The following METTL25 variants were observed in gnomAD, a reference collection of about 807,000 sequenced individuals.
The protein encoded by METTL25 is probable methyltransferase-like protein 25.
METTL25 carries 64 observed loss-of-function variants against 71.6 expected under a neutral mutation model. The observed-to-expected ratio is 0.89, with a 90% CI of 0.73 to 1.10. The LOEUF (loss-of-function observed/expected upper bound fraction) is 1.10, where lower values mean the gene tolerates loss of function less well. METTL25 is among the 50% of genes least tolerant of loss of function. METTL25 has a pLI of 0.00. For synonymous variants in METTL25, 287 were observed against 250.3 expected, an observed-to-expected ratio of 1.15 and a Z score of -1.38; for missense variants, 807 against 707.0, an observed-to-expected ratio of 1.14 and a Z score of -1.60.
chr12:82,386,982 G>T lies in METTL25; in HGVS notation c.424+15G>T. 3 of 1,592,696 alleles carry T rather than the reference G, an allele frequency of 1.9e-6. No homozygotes were observed. Among genetic ancestry groups the T allele is most frequent in the Non-Finnish European group, 2.6e-6 (3 of 1,166,418 alleles). ...CCAGAGAATTGGTATGTCTATTTAT[G>T]TGTGTGTATGTGTGCTTTTTAGGTA... On this transcript the variant is annotated intron_variant, in intron 2 of 11. Transcript: ENST00000248306.
Position 82,358,634 on chromosome 12 carries a change from G to C in METTL25, c.69G>C (p.Leu23=). ...LPTLRAKLQG[L]LQFLRDALSI... ...CGCTGCGTGCCAAGTTGCAGGGACTGCTGCAGTTCCTGAGGGATGCCCTGT... is the reference window on the plus strand; with the variant it reads ...CGCTGCGTGCCAAGTTGCAGGGACTCCTGCAGTTCCTGAGGGATGCCCTGT... The change falls in exon 1 of 12, where the codon CTG becomes CTC. Residue 23 remains leucine (L), a synonymous_variant. Coordinates refer to ENST00000248306, the MANE Select transcript of METTL25 (RefSeq NM_032230.3). 1 of 1,614,096 alleles carries C rather than the reference G, an allele frequency of 6.2e-7. No individual in the cohort carries two copies. Among genetic ancestry groups the C allele is most frequent in the Non-Finnish European group, 8.5e-7 (1 of 1,180,052 alleles).
chr12:82,427,207 A>T (rs1014380738), intron 5 of METTL25, among the ~76,000 whole-genome samples: 4 of 151,866 alleles, frequency 2.6e-5, no homozygotes, highest in Non-Finnish European at 5.9e-5. Context: ...CAAGCAGTGG[A>T]TTTCTCTCCC....
chr12:82,471,481 C>T (rs1402493130), intron 9 of METTL25, among the ~76,000 whole-genome samples: 1 of 152,216 alleles, frequency 6.6e-6, no homozygotes, highest in East Asian at 1.9e-4. Flanking sequence ...TGTTTGAACA[C>T]ATGAGCACAG....
chr12:82,440,641 G>T (rs2137191454), intron 8 of METTL25, among the ~76,000 whole-genome samples: 1 of 151,990 alleles, frequency 6.6e-6, no homozygotes, highest in African/African-American at 2.4e-5. Context: ...ATAGGTAATG[G>T]TTTCCACACA....
At chr12:82,420,806 A>C (rs1336744987) in intron 5 of METTL25, among the ~76,000 whole-genome samples, 2 of 152,080 alleles carry the variant, frequency 1.3e-5, no homozygotes, top group Middle Eastern at 3.2e-3. Context: ...GGATTTGTTA[A>C]GGAGAAGAAG....
chr12:82,449,844 G>C (rs146043811), intron 8 of METTL25, among the ~76,000 whole-genome samples: 1 of 151,770 alleles, frequency 6.6e-6, no homozygotes, highest in Non-Finnish European at 1.5e-5. Context: ...TCCTATGTTG[G>C]TTCTTTCCTT....
At chr12:82,472,885 T>C (rs1892651050) in intron 9 of METTL25, among the ~76,000 whole-genome samples, 1 of 152,202 alleles carries the variant, frequency 6.6e-6, no homozygotes, top group Admixed American at 6.5e-5. Context: ...TCCTTGCTTT[T>C]TCATGTTTGA....
intron 8 of METTL25, among the ~76,000 whole-genome samples, chr12:82,453,375 A>G (rs535474348): frequency 6.6e-6 from 1 of 152,304 alleles, no homozygotes; most frequent in South Asian, 2.1e-4. Context: ...TCTGCAGTTT[A>G]ACAGTATTGA....
intron 3 of METTL25, among the ~76,000 whole-genome samples, chr12:82,392,324 C>G (rs1885671247): frequency 1.3e-5 from 2 of 148,162 alleles, no homozygotes; most frequent in African/African-American, 2.5e-5. Flanking sequence ...TCTCATTGTT[C>G]AGTTCCCACC....
intron 8 of METTL25, among the ~76,000 whole-genome samples, chr12:82,445,410 T>A (rs1181762448): frequency 6.6e-6 from 1 of 151,942 alleles, no homozygotes; most frequent in East Asian, 1.9e-4. Flanking sequence ...CACATTAAAT[T>A]AGCTATAGTA....
intron 5 of METTL25, among the ~76,000 whole-genome samples, chr12:82,421,176 A>G (rs895511350): frequency 4.6e-5 from 7 of 152,128 alleles, no homozygotes; most frequent in South Asian, 2.1e-4. Flanking sequence ...CGAGGTTTAC[A>G]TTTTAAAAGA....
In METTL25 at chr12:82,471,711, A is replaced by G. The variant is rs148599304; in HGVS notation, c.1573-4933A>G. Among the ~76,000 whole-genome samples, 388 of 152,344 alleles carry G rather than the reference A, an allele frequency of 2.5e-3. 2 individuals are homozygous for G. Among genetic ancestry groups the G allele is most frequent in the African/African-American group, 8.8e-3 (366 of 41,574 alleles). The stretch of plus-strand genomic sequence containing the variant: ...AAATGTTACTTGTGAAAACCATTAT[A>G]GATTCTGAAGCAGTTTGGAGAACTT... On this transcript the variant is annotated intron_variant, in intron 9 of 11. Transcript: ENST00000248306.
At chr12:82,401,607 A>G (rs1393119420) in intron 4 of METTL25, among the ~76,000 whole-genome samples, 2 of 152,014 alleles carry the variant, frequency 1.3e-5, no homozygotes, top group African/African-American at 2.4e-5. Flanking sequence ...AGGTTATGCA[A>G]TTAGTTCATT....
At chr12:82,458,468 T>C (rs1440996913) in intron 9 of METTL25, among the ~76,000 whole-genome samples, 1 of 152,092 alleles carries the variant, frequency 6.6e-6, no homozygotes, top group African/African-American at 2.4e-5. Context: ...CACAGAAACC[T>C]GTGCCAGAGT....
At chr12:82,420,837 G>T (rs1888412721) in intron 5 of METTL25, among the ~76,000 whole-genome samples, 1 of 151,538 alleles carries the variant, frequency 6.6e-6, no homozygotes, top group South Asian at 2.1e-4. Flanking sequence ...ACAGGAAAGT[G>T]AACTGATGAG....
chr12:82,422,540 G>A (rs554310110), intron 5 of METTL25, among the ~76,000 whole-genome samples: 1 of 152,268 alleles, frequency 6.6e-6, no homozygotes, highest in African/African-American at 2.4e-5. Context: ...TGGAAGTTCT[G>A]GCCAGGGCAA....
chr12:82,455,358 A>T (rs1015002054), intron 8 of METTL25, among the ~76,000 whole-genome samples: 1 of 151,862 alleles, frequency 6.6e-6, no homozygotes, highest in South Asian at 2.1e-4. Context: ...CTGTATGTGC[A>T]GGATCTGAGA....
intron 8 of METTL25, among the ~76,000 whole-genome samples, chr12:82,448,419 T>C (rs1414383425): frequency 6.6e-6 from 1 of 151,998 alleles, no homozygotes; most frequent in Admixed American, 6.6e-5. Context: ...TTAGTACTTA[T>C]CTATAATAGA....
At chr12:82,426,526 G>T (rs1200129944) in intron 5 of METTL25, among the ~76,000 whole-genome samples, 1 of 151,930 alleles carries the variant, frequency 6.6e-6, no homozygotes, top group Non-Finnish European at 1.5e-5. Context: ...TATTTAAGAG[G>T]GAGCTCTCTT....
Sources: gnomAD v4.1 joint callset for allele counts (sites outside exome capture counted in the v4.1 genomes callset) on GRCh38, gnomAD v4.1.1 for gene constraint, MANE v1.5 for transcripts, NCBI Gene and HGNC (gene_info 2026-07-23, HGNC 2026-07-21) for gene names.